Variants in NTRK2 observed in about 807,000 individuals in gnomAD.
NTRK2 encodes BDNF/NT-3 growth factors receptor.
A neutral mutation model predicts 94.5 loss-of-function variants in NTRK2; 13 were observed. The ratio of observed to expected loss-of-function variants is 0.14; its 90% CI spans 0.09 to 0.22. NTRK2 has a LOEUF of 0.22. NTRK2 is among the 10% of genes least tolerant of loss of function. The pLI, the probability that NTRK2 is intolerant of heterozygous loss-of-function variation, is 1.00. For synonymous variants in NTRK2, 372 were observed against 407.4 expected (o/e 0.91, Z 1.05); for missense variants, 639 against 1,071.2 (o/e 0.60, Z 5.63).
chr9:84,917,698 A>G (rs984750527), intron 14 of NTRK2, among the ~76,000 whole-genome samples: 3 of 152,216 alleles, frequency 2.0e-5, no homozygotes, highest in African/African-American at 2.4e-5. Flanking sequence ...TAAGAGTGAC[A>G]ATCTCATGCA....
At chr9:84,953,151 T>C (rs933022463) in intron 16 of NTRK2, among the ~76,000 whole-genome samples, 8 of 152,194 alleles carry the variant, frequency 5.3e-5, no homozygotes, top group African/African-American at 1.9e-4. Flanking sequence ...TGAAAAGGAT[T>C]AGGCTTGATT....
intron 12 of NTRK2, among the ~76,000 whole-genome samples, chr9:84,798,940 A>ATATATATATATATATATATATATATG (rs1564302712): frequency 8.5e-6 from 1 of 117,804 alleles, no homozygotes; most frequent in African/African-American, 2.8e-5. Context: ...ATATATATAT[A>ATATATATATATATATATATATATATG]TGCTTATTTA....
intron 14 of NTRK2, 98 bp downstream of exon 14, chr9:84,867,529 C>A: frequency 9.8e-7 from 1 of 1,022,718 alleles, no homozygotes; most frequent in Non-Finnish European, 1.6e-6. Context: ...TGGCGGGGAA[C>A]AGGGTGCAGT....
chr9:84,814,308 G>T (rs202035340), intron 12 of NTRK2: 41 of 1,065,410 alleles, frequency 3.8e-5, no homozygotes, highest in Non-Finnish European at 4.7e-5. Flanking sequence ...CTTCAGGGGT[G>T]TGTGGAGTAA....
chr9:84,795,088 T>C (rs569709079), intron 12 of NTRK2, among the ~76,000 whole-genome samples: 2 of 152,260 alleles, frequency 1.3e-5, no homozygotes, highest in South Asian at 4.2e-4. Context: ...TCCAGGTGAA[T>C]TGGTCAAAAC....
chr9:84,828,991 T>A (rs898935691), intron 12 of NTRK2, among the ~76,000 whole-genome samples: 2 of 150,648 alleles, frequency 1.3e-5, no homozygotes, highest in African/African-American at 2.5e-5. Flanking sequence ...TGGTGTTTTT[T>A]TTTTGTTGTT....
At chr9:84,887,803 A>T (rs2076463564) in intron 14 of NTRK2, among the ~76,000 whole-genome samples, 1 of 152,192 alleles carries the variant, frequency 6.6e-6, no homozygotes, top group African/African-American at 2.4e-5. Flanking sequence ...CCCTGTGAAA[A>T]AATCTCTTAA....
intron 17 of NTRK2, among the ~76,000 whole-genome samples, chr9:84,968,156 G>A (rs980337795): frequency 2.6e-5 from 4 of 152,110 alleles, no homozygotes; most frequent in Non-Finnish European, 4.4e-5. Flanking sequence ...GGGATGTGAA[G>A]TCACTTTCCT....
In NTRK2 at chr9:85,021,630, T is replaced by C; in HGVS notation, c.*193T>C. 1 of 634,530 alleles carries C rather than the reference T, an allele frequency of 1.6e-6. No homozygotes were observed. The highest frequency in any genetic ancestry group is 1.8e-5 in the South Asian group (1 of 55,362). The allele number at this position is 634,530 out of a possible 1,614,324, so 39.3% of individuals were successfully genotyped here. A position where few individuals can be genotyped will look rare whatever the true frequency, so the allele number is the denominator to read the frequency against. On this transcript the variant is annotated 3_prime_UTR_variant, in exon 19 of 19. Coordinates refer to ENST00000277120, the MANE Select transcript of NTRK2 (RefSeq NM_006180.6). Reference sequence around the variant, plus strand: ...ATCCATAGACACAGTATTGACTTCTTTTTGGCATTATCTCTTTCTCTCTTT... The same window carrying C: ...ATCCATAGACACAGTATTGACTTCTCTTTGGCATTATCTCTTTCTCTCTTT...
At chr9:84,975,966 C>T (rs1374167500) in intron 17 of NTRK2, among the ~76,000 whole-genome samples, 2 of 152,086 alleles carry the variant, frequency 1.3e-5, no homozygotes, top group East Asian at 1.9e-4. Context: ...TTATCTAGCC[C>T]AGGAAGGGTA....
intron 16 of NTRK2, among the ~76,000 whole-genome samples, chr9:84,953,188 ACCC>A (rs1284828546): frequency 1.3e-5 from 2 of 152,192 alleles, no homozygotes; most frequent in Non-Finnish European, 2.9e-5. Flanking sequence ...GAAAGGGCCC[ACCC>A]TCTAGTATCC....
At chr9:84,910,086 TG>T (rs1663827571) in intron 14 of NTRK2, among the ~76,000 whole-genome samples, 1 of 152,218 alleles carries the variant, frequency 6.6e-6, no homozygotes, top group African/African-American at 2.4e-5. Context: ...TTTAAGGCCA[TG>T]ATTCATATTT....
At chr9:84,865,242 T>C (rs1301869742) in intron 13 of NTRK2, among the ~76,000 whole-genome samples, 2 of 152,172 alleles carry the variant, frequency 1.3e-5, no homozygotes, top group Non-Finnish European at 2.9e-5. Context: ...CTTTTGAGTG[T>C]TCTGTGGCTT....
intron 17 of NTRK2, among the ~76,000 whole-genome samples, chr9:84,961,216 G>A (rs1326918893): frequency 1.6e-4 from 25 of 152,072 alleles, no homozygotes; most frequent in Admixed American, 1.6e-3. Context: ...CCTAAAAGAG[G>A]GATGTCCTCT....
chr9:84,970,583 G>A (rs1018393970), intron 17 of NTRK2, among the ~76,000 whole-genome samples: 1 of 152,064 alleles, frequency 6.6e-6, no homozygotes, highest in Non-Finnish European at 1.5e-5. Context: ...GTGAGTCAGC[G>A]CTGGGCAGGG....
intron 13 of NTRK2, among the ~76,000 whole-genome samples, chr9:84,866,367 A>T (rs1474667687): frequency 2.6e-5 from 4 of 152,234 alleles, no homozygotes; most frequent in African/African-American, 7.2e-5. Context: ...TCATAAAATA[A>T]GCAAATATTA....
At chr9:84,811,483 C>A in intron 12 of NTRK2, 1 of 1,065,600 alleles carries the variant, frequency 9.4e-7, no homozygotes, top group Non-Finnish European at 1.1e-6. Context: ...GATCCACCTG[C>A]TTTTTAGAAG....
intron 12 of NTRK2, among the ~76,000 whole-genome samples, chr9:84,860,504 A>G (rs182134969): frequency 6.6e-6 from 1 of 151,878 alleles, no homozygotes. Flanking sequence ...CTACTCTCCC[A>G]CGGGATTTTG....
At chr9:84,869,291 A>G (rs2075735929) in intron 14 of NTRK2, among the ~76,000 whole-genome samples, 1 of 151,928 alleles carries the variant, frequency 6.6e-6, no homozygotes. Context: ...CAAATGGCCA[A>G]CCTCCATTTG....
Sources: allele counts gnomAD v4.1 joint callset (sites outside exome capture counted in the v4.1 genomes callset), GRCh38; gene constraint gnomAD v4.1.1; transcripts MANE v1.5; gene names NCBI Gene and HGNC (gene_info 2026-07-23, HGNC 2026-07-21).